The following MET variants were observed in gnomAD, a reference collection of about 807,000 sequenced individuals.
MET encodes the protein MET proto-oncogene, receptor tyrosine kinase.
A neutral mutation model predicts 133.1 loss-of-function variants in MET; 48 were observed. The ratio of observed to expected loss-of-function variants is 0.36; its 90% confidence interval spans 0.29 to 0.46. MET has a LOEUF of 0.46. Ranked by LOEUF, MET falls within the 20% of genes least tolerant of loss-of-function variation. MET has a pLI of 1.00. For missense variants in MET, 1,442 were observed against 1,695.9 expected (o/e 0.85, Z 2.63); for synonymous variants, 628 against 616.5 (o/e 1.02, Z -0.28).
At chr7:116,679,327 G>A (rs924432259) in intron 1 of MET, among the ~76,000 whole-genome samples, 1 of 152,050 alleles carries the variant, frequency 6.6e-6, no homozygotes, top group Non-Finnish European at 1.5e-5. Context: ...GACCTTGTTC[G>A]ACAAATTTTT....
rs2117067315 is a variant in MET, at chr7:116,783,441, C to T, written c.3770C>T (p.Thr1257Ile). ...VKWMALESLQ[T>I]QKFTTKSDVW... ...TGGATGGCTTTGGAAAGTCTGCAAA[C>T]TCAAAAGTTTACCACCAAGTCAGAT... Residue 1257 changes from threonine to isoleucine, a missense_variant, in exon 19 of 21, where the codon ACT becomes ATT. Thr to Ile is a moderately conservative substitution (Grantham distance 89). Coordinates refer to ENST00000397752, the MANE Select transcript of MET (RefSeq NM_000245.4). 6.2e-7 allele frequency: 1 copy of T among 1,614,134 alleles called. No individual in the cohort carries two copies.
At chr7:116,682,958 T>C (rs1485797167) in intron 1 of MET, among the ~76,000 whole-genome samples, 1 of 152,182 alleles carries the variant, frequency 6.6e-6, no homozygotes, top group East Asian at 1.9e-4. Flanking sequence ...GATGAAACAG[T>C]CTTTTCTACC....
At chr7:116,677,533 A>C (rs1308749435) in intron 1 of MET, among the ~76,000 whole-genome samples, 2 of 152,226 alleles carry the variant, frequency 1.3e-5, no homozygotes, top group Non-Finnish European at 2.9e-5. Flanking sequence ...TTTCAAGAGA[A>C]GCTAGGACTC....
rs1186230260 is a variant in MET at position 116,731,770 on chromosome 7, A to G, written c.1303A>G (p.Ser435Gly). Residue 435 changes from serine (S) to glycine (G), a missense_variant, in exon 3 of 21, where the codon AGC becomes GGC. Physicochemically the swap from Ser to Gly is moderately conservative, Grantham distance 56. This residue lies in a region of MET where 762 missense variants were observed against 792.4 expected (regional missense o/e 0.96). Transcript: ENST00000397752. Reference sequence around the variant, plus strand: ...CGTTGACTTATTCATGGGTCAATTCAGCGAAGTCCTCTTAACATCTATATC... The same window carrying G: ...CGTTGACTTATTCATGGGTCAATTCGGCGAAGTCCTCTTAACATCTATATC... ...QRVDLFMGQFSEVLLTSISTF... is the reference protein window; with the variant it reads ...QRVDLFMGQFGEVLLTSISTF... The G allele has an allele frequency of 1.9e-6, 3 of 1,614,152 alleles. No homozygotes were observed. The Admixed American group carries it at 5.0e-5, about 27-fold the overall frequency.
chr7:116,762,673 T>G (rs1276852337), intron 10 of MET, among the ~76,000 whole-genome samples: 2 of 152,168 alleles, frequency 1.3e-5, no homozygotes, highest in African/African-American at 4.8e-5. Flanking sequence ...AGCTAGGAGA[T>G]GAGCCAAGGC....
intron 1 of MET, among the ~76,000 whole-genome samples, chr7:116,696,449 C>T (rs1796969416): frequency 6.6e-6 from 1 of 152,078 alleles, no homozygotes; most frequent in East Asian, 1.9e-4. Context: ...TCTTCATCAC[C>T]CATTCCCTCA....
chr7:116,797,098 A>G lies in MET; in HGVS notation c.*974A>G, dbSNP rs1322344567. 1 of 194,616 alleles carries G rather than the reference A, an allele frequency of 5.1e-6. No individual in the cohort carries two copies. Among genetic ancestry groups the G allele is most frequent in the Admixed American group, 6.1e-5 (1 of 16,396 alleles). 12.1% of individuals were successfully genotyped at this position (194,616 alleles called of 1,614,324 possible). ...AGTCATCATGAAATATTTAGTTGTC[A>G]TATAAAAACCCACTGTTTGAGAATG... is the stretch of plus-strand genomic sequence containing the variant. On this transcript the variant is annotated 3_prime_UTR_variant, in exon 21 of 21. Transcript: ENST00000397752.
rs45499391 is a variant in MET at position 116,731,730 on chromosome 7, C to A, written c.1263C>A (p.Thr421=). Residue 421 remains threonine, a synonymous_variant, in exon 3 of 21, where the codon ACC becomes ACA. Transcript: ENST00000397752. ...ARRDEYRTEF[T]TALQRVDLFM... ...GTGATGAATATCGAACAGAGTTTAC[C>A]ACAGCTTTGCAGCGCGTTGACTTAT... 4.4e-5 allele frequency: 71 copies of A among 1,613,934 alleles called. No individual in the cohort carries two copies. Among genetic ancestry groups the A allele is most frequent in the Non-Finnish European group, 5.8e-5 (69 of 1,179,994 alleles).
Position 116,796,521 on chromosome 7 carries a change from A to G in MET, c.*397A>G, listed in dbSNP as rs559231345. The G allele has an allele frequency of 6.7e-4, 235 of 350,822 alleles. 6 individuals are homozygous for G. The South Asian group carries it at 9.6e-3, about 14-fold the overall frequency. The allele number at this position is 350,822 out of a possible 1,614,324, so 21.7% of individuals were successfully genotyped here. ...TCAGGACAGGAGCGGCAGCCCCAGA[A>G]CAGGCCACTCATTTAGAATTCTAGT... On this transcript the variant is annotated 3_prime_UTR_variant, in exon 21 of 21. Transcript: ENST00000397752.
intron 10 of MET, among the ~76,000 whole-genome samples, chr7:116,762,417 G>A (rs1794435656): frequency 6.6e-6 from 1 of 152,162 alleles, no homozygotes; most frequent in South Asian, 2.1e-4. Flanking sequence ...AGAATTAAAT[G>A]AGACCAACTT....
At chr7:116,737,194 C>T (rs1793248173) in intron 3 of MET, among the ~76,000 whole-genome samples, 1 of 152,202 alleles carries the variant, frequency 6.6e-6, no homozygotes. Flanking sequence ...TTCTCATCTT[C>T]ATCCCATTTT....
chr7:116,776,040 A>C (rs1159662516), intron 15 of MET, among the ~76,000 whole-genome samples: 2 of 151,944 alleles, frequency 1.3e-5, no homozygotes, highest in Non-Finnish European at 2.9e-5. Flanking sequence ...CCAATCAAAA[A>C]CCGGGAAATG....
At chr7:116,693,154 G>T (rs998722895) in intron 1 of MET, among the ~76,000 whole-genome samples, 3 of 152,218 alleles carry the variant, frequency 2.0e-5, no homozygotes, top group Non-Finnish European at 4.4e-5. Context: ...CAAGTCAATG[G>T]CATTGGTGTA....
intron 2 of MET, among the ~76,000 whole-genome samples, chr7:116,709,295 T>C (rs2116649733): frequency 6.6e-6 from 1 of 152,318 alleles, no homozygotes; most frequent in South Asian, 2.1e-4. Flanking sequence ...AGGCACTTTG[T>C]CATGCTTCTT....
At chr7:116,725,823 T>C (rs1792730076) in intron 2 of MET, among the ~76,000 whole-genome samples, 2 of 150,534 alleles carry the variant, frequency 1.3e-5, no homozygotes, top group Admixed American at 6.6e-5. Flanking sequence ...TGTATAAATA[T>C]ATCTATAGAT....
intron 11 of MET, among the ~76,000 whole-genome samples, chr7:116,766,228 G>T (rs1343175330): frequency 6.6e-6 from 1 of 152,200 alleles, no homozygotes; most frequent in Non-Finnish European, 1.5e-5. Context: ...AGGACTGCCT[G>T]ACATTGCCTT....
At chr7:116,772,713 A>T (rs570981871) in intron 14 of MET, among the ~76,000 whole-genome samples, 1 of 152,360 alleles carries the variant, frequency 6.6e-6, no homozygotes, top group African/African-American at 2.4e-5. Context: ...CATTGGACAA[A>T]TAAAATGAGT....
chr7:116,784,741 T>C (rs1170238205), intron 19 of MET, among the ~76,000 whole-genome samples: 1 of 152,216 alleles, frequency 6.6e-6, no homozygotes, highest in South Asian at 2.1e-4. Context: ...TCCGCCCTAG[T>C]TCCTCCCAAA....
intron 3 of MET, among the ~76,000 whole-genome samples, chr7:116,735,022 C>T (rs568260358): frequency 6.6e-6 from 1 of 152,102 alleles, no homozygotes; most frequent in Non-Finnish European, 1.5e-5. Flanking sequence ...ACTGTCAGGC[C>T]AGGGAGAGTG....
Sources: gnomAD v4.1 joint callset for allele counts (sites outside exome capture counted in the v4.1 genomes callset) on GRCh38, gnomAD v4.1.1 for gene constraint, gnomAD v4.1.1 regional missense constraint, MANE v1.5 for transcripts, NCBI Gene and HGNC (gene_info 2026-07-23, HGNC 2026-07-21) for gene names.